The following GNA11 variants were observed in gnomAD, a reference collection of about 807,000 sequenced individuals.
GNA11 encodes G protein subunit alpha 11.
In GNA11, 8 loss-of-function variants were observed where a neutral mutation model predicts 38.2. The ratio of observed to expected loss-of-function variants is 0.21; its 90% confidence interval spans 0.12 to 0.38. The LOEUF is 0.38. Ranked by LOEUF, GNA11 falls within the 10% of genes least tolerant of loss-of-function variation. GNA11 has a pLI of 1.00. For missense variants in GNA11, 268 were observed against 516.3 expected (o/e 0.52, Z 4.66); for synonymous variants, 211 against 221.4 (o/e 0.95, Z 0.42).
In GNA11 at chr19:3,094,841, C is replaced by T. The variant is rs999166094; in HGVS notation, c.136+54C>T. ...GCGGGCCCTGCCCTGCCTGTGCCTG[C>T]CCTGCCTGTCCGGGTCGGGCCGGGA... On this transcript the variant is annotated intron_variant, in intron 1 of 6. Transcript: ENST00000078429. This position sits in a 1 kb window ranked among gnomAD's most constrained non-coding sequence, Gnocchi z 6.0. The T allele has an allele frequency of 5.8e-5, 78 of 1,343,322 alleles. No homozygotes were observed. The Middle Eastern group carries it at 7.2e-4, about 12-fold the overall frequency. The allele number at this position is 1,343,322 out of a possible 1,614,324, so 83.2% of individuals were successfully genotyped here. A position where few individuals can be genotyped will look rare whatever the true frequency, so the allele number is the denominator to read the frequency against.
chr19:3,101,207 G>A (rs1314832175), intron 1 of GNA11, among the ~76,000 whole-genome samples: 1 of 152,234 alleles, frequency 6.6e-6, no homozygotes. Flanking sequence ...CGCTGTGTCT[G>A]TTGCTATTGT....
Position 3,094,408 on chromosome 19 carries a change from T to TGGCTGCGGC in GNA11, c.-240_-232dup, listed in dbSNP as rs1913305036. On this transcript the variant is annotated 5_prime_UTR_variant, in exon 1 of 7. Transcript: ENST00000078429. The surrounding 1 kb of genome is among the most constrained non-coding windows in gnomAD (Gnocchi z 6.0). ...CGGTTGCGGCGGCTGCGGTTGGCGGTGGCTGCGGCGGCGGCGCGGGCTGAG... is the reference window on the plus strand; with the variant it reads ...CGGTTGCGGCGGCTGCGGTTGGCGGTGGCTGCGGCGGCTGCGGCGGCGGCGCGGGCTGAG... 6.7e-6 allele frequency: 1 copy of TGGCTGCGGC among 148,450 alleles called. No individual in the cohort carries two copies. The highest frequency in any genetic ancestry group is 1.5e-5 in the Non-Finnish European group (1 of 66,444). The allele number at this position is 148,450 out of a possible 1,614,324, so 9.2% of individuals were successfully genotyped here. A position where few individuals can be genotyped will look rare whatever the true frequency, so the allele number is the denominator to read the frequency against.
Position 3,094,797 on chromosome 19 carries a change from G to A in GNA11, c.136+10G>A, listed in dbSNP as rs1568277198. On this transcript the variant is annotated intron_variant, in intron 1 of 6. Transcript: ENST00000078429. This position sits in a 1 kb window ranked among gnomAD's most constrained non-coding sequence, Gnocchi z 6.0. ...AAGCTGCTGCTGCTCGGTGAGTGCG[G>A]CCCCCGGGCCTGCCGGCTGCGGGCC... 6.4e-7 allele frequency: 1 copy of A among 1,551,854 alleles called. No homozygotes were observed.
intron 1 of GNA11, among the ~76,000 whole-genome samples, chr19:3,097,164 G>T (rs1380978889): frequency 6.6e-6 from 1 of 152,100 alleles, no homozygotes; most frequent in Admixed American, 6.5e-5. Context: ...AGCAGCTAGA[G>T]GGTGGGGCCG....
chr19:3,113,596 GGGCA>G (rs1913835439), intron 3 of GNA11, 112 bp downstream of exon 3: 1 of 803,288 alleles, frequency 1.2e-6, no homozygotes, highest in African/African-American at 1.8e-5. Flanking sequence ...TGCTCGCCGG[GGGCA>G]GGGATGCGGT....
At chr19:3,115,411 T>C (rs531069008) in intron 4 of GNA11, 2 of 241,126 alleles carry the variant, frequency 8.3e-6, no homozygotes, top group East Asian at 1.1e-4. Flanking sequence ...TTTCGTCTTA[T>C]TAAACAAAAG....
intron 3 of GNA11, among the ~76,000 whole-genome samples, chr19:3,114,296 C>T (rs1913852163): frequency 6.6e-6 from 1 of 152,152 alleles, no homozygotes; most frequent in Non-Finnish European, 1.5e-5. Context: ...TCGAGGGGCG[C>T]CCCACTCAGG....
rs1404260195 is a variant in GNA11 at position 3,094,983 on chromosome 19, G to A, written c.136+196G>A. Among the ~76,000 whole-genome samples the A allele has an allele frequency of 1.3e-5, 2 of 151,558 alleles. No individual in the cohort carries two copies. Among genetic ancestry groups the A allele is most frequent in the Non-Finnish European group, 1.5e-5 (1 of 67,862 alleles). On this transcript the variant is annotated intron_variant, in intron 1 of 6. Coordinates refer to ENST00000078429, the MANE Select transcript of GNA11 (RefSeq NM_002067.5). This position sits in a 1 kb window ranked among gnomAD's most constrained non-coding sequence, Gnocchi z 6.0. ...GGACCCTCGAGTGTCAGCCCTGCCT[G>A]TGCCTTCACTGCCTGTCCGGGTCGG...
rs1914039487 is a variant in GNA11 at position 3,120,419 on chromosome 19, G to A, written c.890-570G>A. Among the ~76,000 whole-genome samples the A allele has an allele frequency of 6.6e-6, 1 of 152,248 alleles. No homozygotes were observed. Among genetic ancestry groups the A allele is most frequent in the South Asian group, 2.1e-4 (1 of 4,828 alleles). On this transcript the variant is annotated intron_variant, in intron 6 of 6. Transcript: ENST00000078429. The surrounding 1 kb of genome is among the most constrained non-coding windows in gnomAD (Gnocchi z 5.9). Reference sequence around the variant, plus strand: ...AGAGCAGCCCCTTGAACACCCCCAGGGGCCTTTCCACCGGGGCAGGCAGGA... The same window carrying A: ...AGAGCAGCCCCTTGAACACCCCCAGAGGCCTTTCCACCGGGGCAGGCAGGA...
chr19:3,094,860 G>A lies in GNA11; in HGVS notation c.136+73G>A, dbSNP rs969551386. 7.3e-5 allele frequency: 87 copies of A among 1,197,742 alleles called. No homozygotes were observed. The highest frequency in any genetic ancestry group is 9.3e-5 in the Non-Finnish European group (84 of 906,318). 74.2% of individuals were successfully genotyped at this position (1,197,742 alleles called of 1,614,324 possible). A position where few individuals can be genotyped will look rare whatever the true frequency, so the allele number is the denominator to read the frequency against. ...TGCCTGCCCTGCCTGTCCGGGTCGG[G>A]CCGGGACCCTCCGGGGTCAGCCCTG... is the stretch of plus-strand genomic sequence containing the variant. On this transcript the variant is annotated intron_variant, in intron 1 of 6. Coordinates refer to ENST00000078429, the MANE Select transcript of GNA11 (RefSeq NM_002067.5). The surrounding 1 kb of genome is among the most constrained non-coding windows in gnomAD (Gnocchi z 6.0).
chr19:3,098,453 GGAGGGGACCCCCGTAT>G (rs1913425478), intron 1 of GNA11, among the ~76,000 whole-genome samples: 1 of 152,224 alleles, frequency 6.6e-6, no homozygotes, highest in Non-Finnish European at 1.5e-5. Flanking sequence ...GGTAAACTGT[GGAGGGGACCCCCGTAT>G]AGTTCTTTGT....
At chr19:3,112,661 G>T (rs1913802969) in intron 2 of GNA11, among the ~76,000 whole-genome samples, 1 of 152,396 alleles carries the variant, frequency 6.6e-6, no homozygotes, top group South Asian at 2.1e-4. Context: ...GCCGCCCAGG[G>T]TTCCGTGAGG....
Position 3,100,504 on chromosome 19 carries a change from C to G in GNA11, c.136+5717C>G, listed in dbSNP as rs116971882. 4.3e-4 allele frequency among the ~76,000 whole-genome samples: 65 copies of G among 152,352 alleles called. No individual in the cohort carries two copies. The East Asian group carries it at 0.012, about 28-fold the overall frequency. On this transcript the variant is annotated intron_variant, in intron 1 of 6. Coordinates refer to ENST00000078429, the MANE Select transcript of GNA11 (RefSeq NM_002067.5). ...TCATTGGCTGACTGAAGGCAGATCA[C>G]GCAGGGAAGTGGAGAGGAGTGGCCC...
intron 1 of GNA11, among the ~76,000 whole-genome samples, chr19:3,102,317 T>G (rs1488987816): frequency 6.6e-6 from 1 of 152,068 alleles, no homozygotes; most frequent in East Asian, 1.9e-4. Flanking sequence ...TCTGCTGCTG[T>G]GGAGATGGGA....
rs1913681223 is a variant in GNA11 at position 3,108,131 on chromosome 19, G to C, written c.137-2018G>C. ...TCGGGATGTGTTGGGTGTTTTGCGA[G>C]ACCCCCCACAGGGAGCTCAGGTGCT... On this transcript the variant is annotated intron_variant, in intron 1 of 6. Transcript: ENST00000078429. The surrounding 1 kb of genome is among the most constrained non-coding windows in gnomAD (Gnocchi z 4.5). Among the ~76,000 whole-genome samples, 1 of 152,208 alleles carries C rather than the reference G, an allele frequency of 6.6e-6. No individual in the cohort carries two copies. The highest frequency in any genetic ancestry group is 2.4e-5 in the African/African-American group (1 of 41,448).
rs758912691 is a variant in GNA11, at chr19:3,119,162, G to A, written c.736-44G>A. ...CCAGCTGCCCCTTGGGCTGTGTGCA[G>A]TGGGGAGGGCCCCTCTGATTCCCTC... On this transcript the variant is annotated intron_variant, in intron 5 of 6. Transcript: ENST00000078429. The surrounding 1 kb of genome is among the most constrained non-coding windows in gnomAD (Gnocchi z 4.6). 2.9e-5 allele frequency: 47 copies of A among 1,609,542 alleles called. No individual in the cohort carries two copies. Among genetic ancestry groups the A allele is most frequent in the Middle Eastern group, 3.3e-4 (2 of 6,052 alleles).
intron 1 of GNA11, among the ~76,000 whole-genome samples, chr19:3,098,145 A>C (rs308038): frequency 5.3e-5 from 8 of 152,122 alleles, no homozygotes; most frequent in Admixed American, 3.3e-4. Flanking sequence ...GTATGCATGA[A>C]TGTGAATGCA....
Position 3,094,658 on chromosome 19 carries a change from C to G in GNA11, c.7C>G (p.Leu3Val). 1 of 1,520,824 alleles carries G rather than the reference C, an allele frequency of 6.6e-7. No homozygotes were observed. The highest frequency in any genetic ancestry group is 8.8e-7 in the Non-Finnish European group (1 of 1,131,908). The allele number at this position is 1,520,824 out of a possible 1,614,324, so 94.2% of individuals were successfully genotyped here. Residue 3 changes from leucine (L) to valine (V), a missense_variant, in exon 1 of 7, where the codon CTG becomes GTG. Coordinates refer to ENST00000078429, the MANE Select transcript of GNA11 (RefSeq NM_002067.5). The surrounding 1 kb of genome is among the most constrained non-coding windows in gnomAD (Gnocchi z 6.0). The part of the protein sequence containing the change: MT[L>V]ESMMACCLSD... ...GTCGGCCGGGGCCGGGACGATGACTCTGGAGTCCATGATGGCGTGTTGCCT... is the reference window on the plus strand; with the variant it reads ...GTCGGCCGGGGCCGGGACGATGACTGTGGAGTCCATGATGGCGTGTTGCCT...
At chr19:3,103,078 G>A (rs1202666818) in intron 1 of GNA11, among the ~76,000 whole-genome samples, 1 of 152,208 alleles carries the variant, frequency 6.6e-6, no homozygotes, top group African/African-American at 2.4e-5. Context: ...GTGGGGCTCG[G>A]CTCAGGCGTC....
Sources: allele counts gnomAD v4.1 joint callset (sites outside exome capture counted in the v4.1 genomes callset), GRCh38; gene constraint gnomAD v4.1.1; non-coding constraint Gnocchi (gnomAD v3.1); transcripts MANE v1.5; gene names NCBI Gene and HGNC (gene_info 2026-07-23, HGNC 2026-07-21).